Variants in FAAH2 observed in about 807,000 individuals in gnomAD.
FAAH2 encodes the protein fatty-acid amide hydrolase 2.
A neutral mutation model predicts 36.9 loss-of-function variants in FAAH2; 60 were observed. That is an observed-to-expected ratio of 1.63 (90% CI 1.32 to 2.02). FAAH2 has a LOEUF of 2.02. Ranked by LOEUF, FAAH2 falls within the 30% of genes most tolerant of loss-of-function variation. FAAH2 has a pLI of 0.00. For synonymous variants in FAAH2, 214 were observed against 143.8 expected, an observed-to-expected ratio of 1.49 and a Z score of -3.49; for missense variants, 689 against 397.5, an observed-to-expected ratio of 1.73 and a Z score of -6.23.
Position 57,378,448 on chromosome X carries a change from G to A in FAAH2, c.743-203G>A, listed in dbSNP as rs775725004. Among the ~76,000 whole-genome samples the A allele has an allele frequency of 3.6e-5, 4 of 111,354 alleles. No individual in the cohort carries two copies. In the East Asian group the frequency reaches 8.5e-4, roughly 24 times the overall value. On this transcript the variant is annotated intron_variant, in intron 5 of 10. Transcript: ENST00000374900. ...TGCTTGTTTTATATTGAAGTTCTTCGTTGGACTCTATTAGGAAAAAAAATT... is the reference window on the plus strand; with the variant it reads ...TGCTTGTTTTATATTGAAGTTCTTCATTGGACTCTATTAGGAAAAAAAATT...
intron 8 of FAAH2, among the ~76,000 whole-genome samples, chrX:57,434,102 T>G (rs1162603200): frequency 1.9e-5 from 2 of 105,714 alleles, no homozygotes; most frequent in Non-Finnish European, 3.9e-5. Context: ...TTTTTTTTTT[T>G]GAGACAGAGT....
At chrX:57,194,401 CTTTCTCTTTT>C in the FAAH2 span, among the ~76,000 whole-genome samples, 1 of 110,545 alleles carries the variant, frequency 9.0e-6, no homozygotes, top group African/African-American at 3.3e-5. Context: ...TTTGGATTTT[CTTTCTCTTTT>C]TTTCTGGCTA....
chrX:57,431,787 G>GTTGTTTTTTT (rs1556012967), intron 7 of FAAH2, 131 bp from the exon 8 acceptor site: 5 of 129,292 alleles, frequency 3.9e-5, no homozygotes, highest in African/African-American at 1.5e-4. Context: ...TTGTTTTTTT[G>GTTGTTTTTTT]TTTTTTTTGG....
the FAAH2 span, among the ~76,000 whole-genome samples, chrX:57,196,881 C>A: frequency 9.0e-6 from 1 of 110,932 alleles, no homozygotes; most frequent in East Asian, 2.8e-4. Context: ...CAGTGAATTT[C>A]CTGGGTGTTC....
At chrX:57,321,126 C>G (rs759383179) in intron 3 of FAAH2, among the ~76,000 whole-genome samples, 92 of 97,403 alleles carry the variant, frequency 9.4e-4, no homozygotes, top group African/African-American at 3.6e-3. Flanking sequence ...GGTGACAGAG[C>G]GAGACTCCAT....
At chrX:57,400,720 A>C (rs1357444930) in intron 7 of FAAH2, among the ~76,000 whole-genome samples, 1 of 112,237 alleles carries the variant, frequency 8.9e-6, no homozygotes, top group East Asian at 2.8e-4. Flanking sequence ...CTCACTGAGG[A>C]CCCTGGTGCC....
chrX:57,368,471 A>T (rs1265886235), intron 5 of FAAH2, among the ~76,000 whole-genome samples: 1 of 111,227 alleles, frequency 9.0e-6, no homozygotes, highest in Non-Finnish European at 1.9e-5. Context: ...CTTGGCACAC[A>T]AAAGAGCTTG....
the FAAH2 span, among the ~76,000 whole-genome samples, chrX:57,159,647 G>T: frequency 1.8e-5 from 2 of 111,565 alleles, no homozygotes; most frequent in Non-Finnish European, 1.9e-5. Context: ...TTTGTCTGTT[G>T]TTGGTGTATA....
chrX:57,225,411 A>T, the FAAH2 span, among the ~76,000 whole-genome samples: 1 of 112,127 alleles, frequency 8.9e-6, no homozygotes, highest in Admixed American at 9.4e-5. Context: ...ATGCTCATTC[A>T]GGAGCAGGTT....
the FAAH2 span, among the ~76,000 whole-genome samples, chrX:57,157,972 T>C: frequency 9.0e-6 from 1 of 110,603 alleles, no homozygotes; most frequent in Admixed American, 9.6e-5. Flanking sequence ...TAACATTAGG[T>C]ATATCTCCTA....
At chrX:57,207,569 C>G in the FAAH2 span, among the ~76,000 whole-genome samples, 2 of 112,447 alleles carry the variant, frequency 1.8e-5, no homozygotes, top group South Asian at 3.6e-4. Flanking sequence ...TTTAGTTTTA[C>G]TTTTCCCCAT....
At chrX:57,478,559 G>A in intron 10 of FAAH2, among the ~76,000 whole-genome samples, 1 of 111,716 alleles carries the variant, frequency 9.0e-6, no homozygotes, top group South Asian at 3.8e-4. Flanking sequence ...TGATGTCCTT[G>A]CACATGCCTA....
At chrX:57,160,874 A>T in the FAAH2 span, among the ~76,000 whole-genome samples, 1 of 110,945 alleles carries the variant, frequency 9.0e-6, no homozygotes, top group Non-Finnish European at 1.9e-5. Flanking sequence ...TTCTGCTCTG[A>T]TCTTAGTTAT....
chrX:57,455,700 G>T (rs1276659764), intron 10 of FAAH2, among the ~76,000 whole-genome samples: 1 of 111,856 alleles, frequency 8.9e-6, no homozygotes, highest in African/African-American at 3.2e-5. Flanking sequence ...GGTCATAAAA[G>T]ACAAAGAAGG....
chrX:57,230,936 T>A, the FAAH2 span, among the ~76,000 whole-genome samples: 4 of 110,977 alleles, frequency 3.6e-5, no homozygotes, highest in African/African-American at 9.8e-5. Context: ...TTTCTTGCTT[T>A]TGTGCTTTTT....
chrX:57,200,645 G>T, the FAAH2 span, among the ~76,000 whole-genome samples: 1 of 111,275 alleles, frequency 9.0e-6, no homozygotes, highest in Admixed American at 9.4e-5. Context: ...CCAAAGTGCT[G>T]GGATTAAAGG....
At chrX:57,281,596 A>G in the FAAH2 span, among the ~76,000 whole-genome samples, 1 of 111,863 alleles carries the variant, frequency 8.9e-6, no homozygotes, top group African/African-American at 3.3e-5. Context: ...GTTTAGTGGT[A>G]CATGTATAGG....
At chrX:57,209,723 ACT>A in the FAAH2 span, among the ~76,000 whole-genome samples, 1 of 110,981 alleles carries the variant, frequency 9.0e-6, no homozygotes, top group Non-Finnish European at 1.9e-5. Flanking sequence ...CTGCAAATCC[ACT>A]GTTTCTGGGT....
At chrX:57,154,597 T>G in the FAAH2 span, among the ~76,000 whole-genome samples, 17 of 110,516 alleles carry the variant, frequency 1.5e-4, no homozygotes, top group African/African-American at 5.6e-4. Context: ...TATTTTTATT[T>G]TTTTAAATTG....
Sources: gnomAD v4.1 joint callset for allele counts (sites outside exome capture counted in the v4.1 genomes callset) on GRCh38, gnomAD v4.1.1 for gene constraint, MANE v1.5 for transcripts, NCBI Gene and HGNC (gene_info 2026-07-23, HGNC 2026-07-21) for gene names.